The following TRDN variants were observed in gnomAD, a reference collection of about 807,000 sequenced individuals.
TRDN encodes the protein triadin.
TRDN carries 161 observed loss-of-function variants against 149.7 expected under a neutral mutation model. That is an observed-to-expected ratio of 1.08 (90% CI 0.95 to 1.23). The LOEUF is 1.23. Ranked by LOEUF, TRDN falls within the 50% of genes most tolerant of loss-of-function variation. The probability of loss-of-function intolerance (pLI) is 0.00; values close to 1 mark genes in which losing one functional copy is unlikely to be tolerated. For missense variants in TRDN, 896 were observed against 823.5 expected (o/e 1.09, Z -1.08); for synonymous variants, 294 against 250.5 (o/e 1.17, Z -1.64).
chr6:123,259,667 G>T lies in TRDN; in HGVS notation c.1832-5C>A. ...ATATTTCAGTTTTCTTCTTTCCTAG[G>T]GGAAAGAAAAACAACAAGAAACCAT... On this transcript the variant is annotated splice_polypyrimidine_tract_variant and splice_region_variant and intron_variant, in intron 34 of 40. Transcript: ENST00000334268. 2.7e-6 allele frequency: 4 copies of T among 1,457,182 alleles called. No individual in the cohort carries two copies. The highest frequency in any genetic ancestry group is 3.7e-6 in the Non-Finnish European group (4 of 1,081,550). 90.3% of individuals were successfully genotyped at this position (1,457,182 alleles called of 1,614,324 possible).
chr6:123,227,367 G>C (rs1322866097), intron 38 of TRDN, among the ~76,000 whole-genome samples: 2 of 151,848 alleles, frequency 1.3e-5, no homozygotes, highest in South Asian at 2.1e-4. Context: ...TTTGAGTTTG[G>C]AGAAAGACAG....
At chr6:123,403,744 A>G (rs2114492709) in intron 12 of TRDN, among the ~76,000 whole-genome samples, 1 of 152,314 alleles carries the variant, frequency 6.6e-6, no homozygotes, top group Non-Finnish European at 1.5e-5. Flanking sequence ...AAGAGGTCCA[A>G]ATTTAAAAAA....
intron 12 of TRDN, among the ~76,000 whole-genome samples, chr6:123,403,734 A>G (rs2114492675): frequency 6.6e-6 from 1 of 152,324 alleles, no homozygotes; most frequent in South Asian, 2.1e-4. Flanking sequence ...GAGCACAAGG[A>G]AGAGGTCCAA....
intron 24 of TRDN, among the ~76,000 whole-genome samples, chr6:123,291,771 A>T (rs1258481312): frequency 6.6e-6 from 1 of 152,230 alleles, no homozygotes; most frequent in African/African-American, 2.4e-5. Flanking sequence ...TTCTAAAGGT[A>T]TTAATTTGCT....
chr6:123,404,546 A>G (rs1773116694), intron 12 of TRDN, among the ~76,000 whole-genome samples: 1 of 152,096 alleles, frequency 6.6e-6, no homozygotes, highest in Non-Finnish European at 1.5e-5. Context: ...CTTCCCAAGT[A>G]CAAGTAATTC....
At chr6:123,433,058 T>G (rs1774396133) in intron 12 of TRDN, among the ~76,000 whole-genome samples, 1 of 149,006 alleles carries the variant, frequency 6.7e-6, no homozygotes, top group East Asian at 2.0e-4. Context: ...CCATTACACT[T>G]TTAATAAAGT....
chr6:123,426,581 G>C (rs564402863), intron 12 of TRDN, among the ~76,000 whole-genome samples: 1 of 152,222 alleles, frequency 6.6e-6, no homozygotes, highest in South Asian at 2.1e-4. Flanking sequence ...AAGCCATGGT[G>C]TATTTTCTTC....
intron 21 of TRDN, chr6:123,349,938 C>A: frequency 1.0e-6 from 1 of 981,138 alleles, no homozygotes; most frequent in Non-Finnish European, 1.2e-6. Context: ...TGTAGGGAAC[C>A]ATTGTTTACA....
At chr6:123,310,918 A>G (rs1180102597) in intron 24 of TRDN, among the ~76,000 whole-genome samples, 1 of 151,994 alleles carries the variant, frequency 6.6e-6, no homozygotes, top group African/African-American at 2.4e-5. Flanking sequence ...GTTCTGTGCA[A>G]ATGCAATTGG....
At chr6:123,289,475 G>T (rs1777922062) in intron 24 of TRDN, among the ~76,000 whole-genome samples, 1 of 152,036 alleles carries the variant, frequency 6.6e-6, no homozygotes, top group South Asian at 2.1e-4. Context: ...TCTGGAGGTG[G>T]CACTCAGACA....
intron 9 of TRDN, among the ~76,000 whole-genome samples, chr6:123,494,552 T>C (rs1778352241): frequency 1.3e-5 from 2 of 152,194 alleles, no homozygotes; most frequent in African/African-American, 2.4e-5. Flanking sequence ...TTAAAACTAA[T>C]AGAATATGAA....
intron 6 of TRDN, among the ~76,000 whole-genome samples, chr6:123,513,617 T>A (rs1189209886): frequency 6.6e-6 from 1 of 152,056 alleles, no homozygotes; most frequent in Non-Finnish European, 1.5e-5. Flanking sequence ...ATGGCTATAT[T>A]GAAGTTCATG....
chr6:123,633,287 T>G (rs1786112012), intron 1 of TRDN, among the ~76,000 whole-genome samples: 3 of 152,064 alleles, frequency 2.0e-5, no homozygotes, highest in African/African-American at 7.2e-5. Context: ...CTGGGCCTGA[T>G]TCAACCTACC....
intron 5 of TRDN, chr6:123,528,975 ACTT>A (rs2114328843): frequency 8.0e-7 from 1 of 1,248,390 alleles, no homozygotes; most frequent in East Asian, 3.4e-5. Flanking sequence ...TTTATTTTAG[ACTT>A]CAGCCAAATT....
chr6:123,331,940 A>G lies in TRDN; in HGVS notation c.1421-11T>C. ...TCCCTTTAATAGGTTCTGAAAAGAA[A>G]CATCGGACATTTATTTGAAGCCAAG... On this transcript the variant is annotated splice_polypyrimidine_tract_variant and intron_variant, in intron 22 of 40. Transcript: ENST00000334268. The G allele has an allele frequency of 1.3e-6, 2 of 1,532,166 alleles. No homozygotes were observed. Among genetic ancestry groups the G allele is most frequent in the Non-Finnish European group, 1.8e-6 (2 of 1,138,064 alleles). 94.9% of individuals were successfully genotyped at this position (1,532,166 alleles called of 1,614,324 possible).
At chr6:123,445,245 T>G (rs1775242793) in intron 10 of TRDN, 1 of 152,164 alleles carries the variant, frequency 6.6e-6, no homozygotes, top group Admixed American at 6.5e-5. Flanking sequence ...TGGTTTAGTC[T>G]TGGGAGAGTG....
intron 30 of TRDN, 66 bp downstream of exon 30, chr6:123,271,073 A>G: frequency 3.2e-6 from 3 of 945,284 alleles, no homozygotes; most frequent in African/African-American, 3.5e-5. Context: ...GTCTGCATGC[A>G]CACATATGAG....
chr6:123,272,455 T>G (rs762211572), intron 29 of TRDN, among the ~76,000 whole-genome samples: 1 of 151,672 alleles, frequency 6.6e-6, no homozygotes, highest in East Asian at 1.9e-4. Context: ...GCAGAACATA[T>G]TAGCTTACTT....
At chr6:123,434,320 G>A (rs1774464761) in intron 12 of TRDN, among the ~76,000 whole-genome samples, 1 of 152,200 alleles carries the variant, frequency 6.6e-6, no homozygotes, top group Non-Finnish European at 1.5e-5. Context: ...TGCAGCCAGA[G>A]TTCTGGAGAC....
Sources: gnomAD v4.1 joint callset for allele counts (sites outside exome capture counted in the v4.1 genomes callset) on GRCh38, gnomAD v4.1.1 for gene constraint, MANE v1.5 for transcripts, NCBI Gene and HGNC (gene_info 2026-07-23, HGNC 2026-07-21) for gene names.